The following PCM1 variants were observed in gnomAD, a reference collection of about 807,000 sequenced individuals.
PCM1 encodes pericentriolar material 1 protein.
A neutral mutation model predicts 241.9 loss-of-function variants in PCM1; 157 were observed. The ratio of observed to expected loss-of-function variants is 0.65; its 90% CI spans 0.57 to 0.74. The LOEUF (loss-of-function observed/expected upper bound fraction) is 0.74, where lower values mean the gene tolerates loss of function less well. Ranked by LOEUF, PCM1 falls within the 30% of genes least tolerant of loss-of-function variation. PCM1 has a pLI of 0.00. For missense variants in PCM1, 3,478 were observed against 2,360.1 expected (o/e 1.47, Z -9.81); for synonymous variants, 1,085 against 784.9 (o/e 1.38, Z -6.39).
chr8:18,009,477 C>A, intron 30 of PCM1, 70 bp from the exon 31 acceptor site: 2 of 1,008,510 alleles, frequency 2.0e-6, no homozygotes, highest in Non-Finnish European at 1.5e-6. Flanking sequence ...TTTTTCAGTA[C>A]TTAAAAGTAA....
At chr8:17,965,562 T>C (rs375974720) in intron 18 of PCM1, among the ~76,000 whole-genome samples, 12 of 152,188 alleles carry the variant, frequency 7.9e-5, no homozygotes, top group African/African-American at 2.4e-4. Context: ...AAATTGTAGA[T>C]AGTGAAAAGA....
At chr8:17,959,894 C>G in intron 13 of PCM1, 120 bp from the exon 14 acceptor site, 2 of 909,890 alleles carry the variant, frequency 2.2e-6, no homozygotes, top group Non-Finnish European at 3.3e-6. Flanking sequence ...TACAAACGTG[C>G]TTTCTTTACT....
At chr8:17,971,706 T>C (rs143861628) in intron 22 of PCM1, among the ~76,000 whole-genome samples, 204 of 152,346 alleles carry the variant, frequency 1.3e-3, no homozygotes, top group African/African-American at 4.8e-3. Context: ...CTTCCAACTT[T>C]TGGGTCTTGT....
chr8:18,017,887 A>T (rs1233899204), intron 36 of PCM1, among the ~76,000 whole-genome samples: 1 of 152,124 alleles, frequency 6.6e-6, no homozygotes, highest in African/African-American at 2.4e-5. Flanking sequence ...TTGACTCTGA[A>T]GACAATAATC....
chr8:17,942,702 A>G (rs2062509255), intron 6 of PCM1, among the ~76,000 whole-genome samples: 1 of 151,998 alleles, frequency 6.6e-6, no homozygotes, highest in Admixed American at 6.5e-5. Context: ...CCACATAAAA[A>G]GAGTTTGAAT....
chr8:17,960,972 GC>G (rs2071594268), intron 15 of PCM1, among the ~76,000 whole-genome samples: 1 of 152,116 alleles, frequency 6.6e-6, no homozygotes, highest in Non-Finnish European at 1.5e-5. Flanking sequence ...GGGCTGGCTG[GC>G]CATAGATTCA....
intron 34 of PCM1, among the ~76,000 whole-genome samples, chr8:18,012,281 C>T (rs1160779678): frequency 2.0e-5 from 3 of 152,216 alleles, no homozygotes; most frequent in African/African-American, 7.2e-5. Context: ...ACACTGTATA[C>T]ACTACCTGCT....
chr8:17,976,752 AG>A (rs2078911052), intron 23 of PCM1, among the ~76,000 whole-genome samples: 1 of 152,208 alleles, frequency 6.6e-6, no homozygotes, highest in South Asian at 2.1e-4. Context: ...AAAGGGAAAG[AG>A]TGGTGAAGTG....
At chr8:17,926,346 A>T (rs2056944840) in intron 2 of PCM1, 2 of 152,322 alleles carry the variant, frequency 1.3e-5, no homozygotes, top group East Asian at 3.9e-4. Flanking sequence ...ACAGTACAGA[A>T]CTAAGAAGAC....
At position 18,014,669 on chromosome 8, in the gene PCM1, G is replaced by T; in HGVS notation, c.5670G>T (p.Glu1890Asp). 6.2e-7 allele frequency: 1 copy of T among 1,613,790 alleles called. No homozygotes were observed. Among genetic ancestry groups the T allele is most frequent in the Non-Finnish European group, 8.5e-7 (1 of 1,179,818 alleles). ...CTTTAAATAGTGCTGCCCATAAGGA[G>T]TCACCTCCTACTGTTGATTCAACTC... ...EQPLNSAAHKESPPTVDSTQQ... is the reference protein window; with the variant it reads ...EQPLNSAAHKDSPPTVDSTQQ... Residue 1890 changes from glutamate to aspartate, a missense_variant, in exon 36 of 39, where the codon GAG (glutamate) becomes GAT (aspartate). Glu to Asp is a conservative substitution (Grantham distance 45). Transcript: ENST00000325083.
At position 17,955,599 on chromosome 8, in the gene PCM1, T is replaced by C. The variant is rs2067951341; in HGVS notation, c.1418T>C (p.Val473Ala). 3 of 1,613,790 alleles carry C rather than the reference T, an allele frequency of 1.9e-6. No homozygotes were observed. The highest frequency in any genetic ancestry group is 3.3e-5 in the Admixed American group (2 of 60,020). The change falls in exon 10 of 39, where the codon GTA becomes GCA. Residue 473 changes from valine (V) to alanine (A), a missense_variant. By Grantham distance (64) the Val-to-Ala change is moderately conservative. Transcript: ENST00000325083. The stretch of plus-strand genomic sequence containing the variant: ...GTTCCTTATCCTACTGCTTCTCTAG[T>C]ATCTCAGAATGAGAGTGAAAACGAA... ...SSVPYPTASL[V>A]SQNESENEGH... is the part of the protein sequence containing the mutation.
intron 36 of PCM1, among the ~76,000 whole-genome samples, chr8:18,017,830 G>A (rs1244521459): frequency 6.6e-6 from 1 of 151,908 alleles, no homozygotes; most frequent in African/African-American, 2.4e-5. Flanking sequence ...TCCAGCCTGG[G>A]CAACAAGAGC....
At chr8:17,970,695 G>A (rs150739849) in intron 22 of PCM1, among the ~76,000 whole-genome samples, 16 of 152,026 alleles carry the variant, frequency 1.1e-4, no homozygotes, top group African/African-American at 3.1e-4. Flanking sequence ...TCAAAGCTTC[G>A]GTGAATAGAC....
chr8:17,972,248 G>A (rs75891805), intron 22 of PCM1, 81 bp from the exon 23 acceptor site: 1 of 564,122 alleles, frequency 1.8e-6, no homozygotes. Context: ...AAATCTACTC[G>A]AGTAGACTAT....
At position 17,991,695 on chromosome 8, in the gene PCM1, T is replaced by C; in HGVS notation, c.4685T>C (p.Leu1562Ser). Residue 1562 changes from leucine (L) to serine (S), a missense_variant, in exon 28 of 39, where the codon TTA becomes TCA. Transcript: ENST00000325083. ...GGTGCAGGTACTACAGTTAATAATT[T>C]AGAAGGTATATATTTTTGTTTTCGG... ...GAGAGTTVNN[L>S]EETPVIENRS... is the part of the protein sequence containing the mutation. 1 of 1,548,272 alleles carries C rather than the reference T, an allele frequency of 6.5e-7. No individual in the cohort carries two copies. The highest frequency in any genetic ancestry group is 8.7e-7 in the Non-Finnish European group (1 of 1,145,696).
chr8:17,924,391 C>T (rs1210102735), intron 1 of PCM1, among the ~76,000 whole-genome samples: 2 of 152,136 alleles, frequency 1.3e-5, no homozygotes, highest in African/African-American at 2.4e-5. Context: ...ACAGGAAGCT[C>T]GATCAATCAG....
At chr8:17,974,049 C>T (rs558467280) in intron 23 of PCM1, among the ~76,000 whole-genome samples, 5 of 152,250 alleles carry the variant, frequency 3.3e-5, no homozygotes, top group East Asian at 3.9e-4. Context: ...AAGAATCTGA[C>T]GGATGGTTTA....
At position 18,029,539 on chromosome 8, in the gene PCM1, C is replaced by T. The variant is rs1021482448; in HGVS notation, c.*1877C>T. Reference sequence around the variant, plus strand: ...TAAAGTGGAAAAATTGTATTTATATCTTAGTTATTACCATAGTACCTATGA... The same window carrying T: ...TAAAGTGGAAAAATTGTATTTATATTTTAGTTATTACCATAGTACCTATGA... On this transcript the variant is annotated 3_prime_UTR_variant, in exon 39 of 39. Coordinates refer to ENST00000325083, the MANE Select transcript of PCM1 (RefSeq NM_006197.4). 2 of 210,300 alleles carry T rather than the reference C, an allele frequency of 9.5e-6. No individual in the cohort carries two copies. Among genetic ancestry groups the T allele is most frequent in the African/African-American group, 4.5e-5 (2 of 44,040 alleles). 13.0% of individuals were successfully genotyped at this position (210,300 alleles called of 1,614,324 possible). A position where few individuals can be genotyped will look rare whatever the true frequency, so the allele number is the denominator to read the frequency against.
chr8:18,018,850 GTGTATA>G (rs1438867318), intron 36 of PCM1, among the ~76,000 whole-genome samples: 5 of 39,382 alleles, frequency 1.3e-4, no homozygotes, highest in South Asian at 1.2e-3. Flanking sequence ...GTGTGTGTGT[GTGTATA>G]TATATATATA....
Sources: allele counts gnomAD v4.1 joint callset (sites outside exome capture counted in the v4.1 genomes callset), GRCh38; gene constraint gnomAD v4.1.1; transcripts MANE v1.5; gene names NCBI Gene and HGNC (gene_info 2026-07-23, HGNC 2026-07-21).